Variants in STIM1 observed in about 807,000 individuals in gnomAD.
STIM1 encodes the protein stromal interaction molecule 1.
Under a neutral mutation model 74.7 loss-of-function variants are expected in STIM1, and 25 were observed. The ratio of observed to expected loss-of-function variants is 0.33; its 90% CI spans 0.24 to 0.47. The LOEUF (loss-of-function observed/expected upper bound fraction) is 0.47, where lower values mean the gene tolerates loss of function less well. Ranked by LOEUF, STIM1 falls within the 20% of genes least tolerant of loss-of-function variation. The probability of loss-of-function intolerance (pLI) is 1.00; values close to 1 mark genes in which losing one functional copy is unlikely to be tolerated. For missense variants in STIM1, 728 were observed against 920.8 expected (o/e 0.79, Z 2.71); for synonymous variants, 328 against 348.8 (o/e 0.94, Z 0.66).
intron 2 of STIM1, among the ~76,000 whole-genome samples, chr11:3,993,571 G>A (rs1370500740): frequency 6.6e-6 from 1 of 152,150 alleles, no homozygotes; most frequent in African/African-American, 2.4e-5. Context: ...CAGGAGAAAT[G>A]CTTGAACCCA....
intron 1 of STIM1, among the ~76,000 whole-genome samples, chr11:3,955,812 C>T (rs2093204967): frequency 6.6e-6 from 1 of 151,964 alleles, no homozygotes; most frequent in Admixed American, 6.5e-5. Context: ...GGGTTGAGAA[C>T]TACTGCTCTA....
intron 1 of STIM1, among the ~76,000 whole-genome samples, chr11:3,920,172 A>T (rs1254845161): frequency 6.6e-6 from 1 of 151,638 alleles, no homozygotes; most frequent in Non-Finnish European, 1.5e-5. Flanking sequence ...TATTACCCAG[A>T]CTGGTTTCAA....
At chr11:3,936,586 G>A (rs888620933) in intron 1 of STIM1, among the ~76,000 whole-genome samples, 4 of 152,116 alleles carry the variant, frequency 2.6e-5, no homozygotes, top group Admixed American at 6.5e-5. Context: ...AAAAAAGGAC[G>A]GCTCCTAGGC....
At chr11:3,951,528 T>C (rs1032446444) in intron 1 of STIM1, among the ~76,000 whole-genome samples, 4 of 152,172 alleles carry the variant, frequency 2.6e-5, no homozygotes, top group Admixed American at 1.3e-4. Flanking sequence ...GGAATCCACA[T>C]TGTTTTTACC....
intron 1 of STIM1, among the ~76,000 whole-genome samples, chr11:3,925,186 A>G (rs776868326): frequency 2.0e-5 from 3 of 152,160 alleles, no homozygotes; most frequent in Non-Finnish European, 4.4e-5. Flanking sequence ...CACAAGGTCA[A>G]TAGATCGAAA....
chr11:4,061,230 G>A (rs1004073312), intron 5 of STIM1, among the ~76,000 whole-genome samples: 30 of 152,318 alleles, frequency 2.0e-4, no homozygotes, highest in African/African-American at 7.2e-4. Context: ...CCAGAATGCT[G>A]GGGACATGGT....
intron 1 of STIM1, among the ~76,000 whole-genome samples, chr11:3,949,513 C>G (rs774602546): frequency 5.3e-5 from 8 of 152,096 alleles, no homozygotes; most frequent in Non-Finnish European, 1.2e-4. Context: ...TGAAAGGGGT[C>G]CTTGAGGGGT....
intron 1 of STIM1, among the ~76,000 whole-genome samples, chr11:3,912,505 C>CGT (rs2092581431): frequency 6.6e-6 from 1 of 151,648 alleles, no homozygotes; most frequent in Non-Finnish European, 1.5e-5. Flanking sequence ...GCTGGGATTA[C>CGT]AGGTACCCAC....
At position 4,088,494 on chromosome 11, in the gene STIM1, C is replaced by T. The variant is rs143464961; in HGVS notation, c.1634+1951C>T. 552 of 543,246 alleles carry T rather than the reference C, an allele frequency of 1.0e-3. 3 individuals carry two copies. Among genetic ancestry groups the T allele is most frequent in the African/African-American group, 8.4e-3 (444 of 52,718 alleles). 33.7% of individuals were successfully genotyped at this position (543,246 alleles called of 1,614,324 possible). On this transcript the variant is annotated intron_variant, in intron 12 of 12. Transcript: ENST00000526596. ...CAGCAGAGCCACTCATATCCATTCT[C>T]ATTCTCATTTTCATCCAAAAGCCTA...
rs1386403083 is a variant in STIM1, at chr11:4,092,698, T to C, written c.*900T>C. On this transcript the variant is annotated 3_prime_UTR_variant, in exon 13 of 13. Transcript: ENST00000526596. Reference sequence around the variant, plus strand: ...GAGAGCCACAGCCATGATACAGGGCTCTTATGGAGCCCTGGAGTTGTTGGG... The same window carrying C: ...GAGAGCCACAGCCATGATACAGGGCCCTTATGGAGCCCTGGAGTTGTTGGG... 6.6e-6 allele frequency: 1 copy of C among 152,136 alleles called. No homozygotes were observed. Among genetic ancestry groups the C allele is most frequent in the Non-Finnish European group, 1.5e-5 (1 of 68,020 alleles). The allele number at this position is 152,136 out of a possible 1,614,324, so 9.4% of individuals were successfully genotyped here. A position where few individuals can be genotyped will look rare whatever the true frequency, so the allele number is the denominator to read the frequency against.
intron 1 of STIM1, among the ~76,000 whole-genome samples, chr11:3,952,394 CATAA>C (rs1488245804): frequency 1.3e-5 from 2 of 151,874 alleles, no homozygotes; most frequent in African/African-American, 4.8e-5. Flanking sequence ...GACCCTGTCT[CATAA>C]ATAAATAAAT....
At chr11:3,989,027 A>G in intron 2 of STIM1, 50 of 860,290 alleles carry the variant, frequency 5.8e-5, no homozygotes, top group East Asian at 8.3e-5. Context: ...ATGAGGTGGG[A>G]TTCCCTCCTT....
At chr11:3,978,039 G>C (rs928949051) in intron 2 of STIM1, among the ~76,000 whole-genome samples, 1 of 152,064 alleles carries the variant, frequency 6.6e-6, no homozygotes, top group African/African-American at 2.4e-5. Context: ...TTCTGTTTTC[G>C]CTTAAGTGGT....
intron 2 of STIM1, among the ~76,000 whole-genome samples, chr11:4,010,283 G>T (rs990066283): frequency 6.7e-6 from 1 of 149,544 alleles, no homozygotes; most frequent in Non-Finnish European, 1.5e-5. Flanking sequence ...CAATTGTTGT[G>T]CCTCAGCCTC....
intron 2 of STIM1, among the ~76,000 whole-genome samples, chr11:3,975,489 G>A (rs1178038383): frequency 2.0e-5 from 3 of 152,108 alleles, no homozygotes; most frequent in Non-Finnish European, 4.4e-5. Context: ...GTGGTGACAC[G>A]TGCCTGTAAT....
chr11:4,079,275 A>G (rs1040521223), intron 7 of STIM1, among the ~76,000 whole-genome samples: 1 of 151,982 alleles, frequency 6.6e-6, no homozygotes, highest in African/African-American at 2.4e-5. Flanking sequence ...CCTGGGTGAC[A>G]GAGCAAGACT....
intron 1 of STIM1, among the ~76,000 whole-genome samples, chr11:3,879,724 T>C (rs565607582): frequency 6.6e-6 from 1 of 152,356 alleles, no homozygotes; most frequent in East Asian, 1.9e-4. Flanking sequence ...AATTTCTGGC[T>C]TAGAATTTTA....
At chr11:4,059,470 A>C in intron 5 of STIM1, 74 bp downstream of exon 5, 2 of 1,311,106 alleles carry the variant, frequency 1.5e-6, no homozygotes, top group Non-Finnish European at 2.2e-6. Flanking sequence ...GGCTAAGGCT[A>C]AGGCTCTGGG....
intron 1 of STIM1, among the ~76,000 whole-genome samples, chr11:3,966,894 CA>C (rs972431339): frequency 6.6e-5 from 10 of 152,168 alleles, no homozygotes; most frequent in African/African-American, 2.4e-4. Context: ...TAATGGTAGG[CA>C]GAAGAAACTG....
Sources: gnomAD v4.1 joint callset for allele counts (sites outside exome capture counted in the v4.1 genomes callset) on GRCh38, gnomAD v4.1.1 for gene constraint, MANE v1.5 for transcripts, NCBI Gene and HGNC (gene_info 2026-07-23, HGNC 2026-07-21) for gene names.